Variants in NAV1 observed in about 807,000 individuals in gnomAD.
The protein encoded by NAV1 is neuron navigator 1, also known as pore membrane and/or filament interacting like protein 3.
NAV1 carries 18 observed loss-of-function variants against 175.2 expected under a neutral mutation model. The ratio of observed to expected loss-of-function variants is 0.10; its 90% CI spans 0.07 to 0.15. The LOEUF (loss-of-function observed/expected upper bound fraction) is 0.15. Among genes scored for constraint, NAV1 ranks in the 10% least tolerant of loss-of-function variants. The pLI, the probability that NAV1 is intolerant of heterozygous loss-of-function variation, is 1.00. For missense variants in NAV1, 1,731 were observed against 2,436.6 expected, an observed-to-expected ratio of 0.71 and a Z score of 6.10; for synonymous variants, 897 against 978.7, an observed-to-expected ratio of 0.92 and a Z score of 1.56.
Position 201,817,787 on chromosome 1 carries a change from GA to G in NAV1, c.5538+504del, listed in dbSNP as rs965733509. On this transcript the variant is annotated intron_variant, in intron 29 of 29. Coordinates refer to ENST00000367296, the Ensembl canonical transcript of NAV1. ...TCTGCTTCTCCTCTGACGCTATCCT[GA>G]AGACTACTTCAGCTAAATGAGTTCA... is the stretch of plus-strand genomic sequence containing the variant. Among the ~76,000 whole-genome samples, 125 of 152,292 alleles carry G rather than the reference GA, an allele frequency of 8.2e-4. No homozygotes were observed. In the Middle Eastern group the frequency reaches 0.014, roughly 17 times the overall value.
rs113941008 is a variant in NAV1 at position 201,597,362 on chromosome 1, T to C, written c.-33+8713T>C. Among the ~76,000 whole-genome samples the C allele has an allele frequency of 5.8e-3, 877 of 152,288 alleles. 8 individuals are homozygous for C. Among genetic ancestry groups the C allele is most frequent in the African/African-American group, 0.02 (831 of 41,554 alleles). On this transcript the variant is annotated intron_variant, in intron 2 of 33. Transcript: ENST00000685211. The stretch of plus-strand genomic sequence containing the variant: ...TCTCAGGATTCACACACATTGGCCT[T>C]GGCCAAATACCCCCCTACACTCTCC...
intron 1 of NAV1, among the ~76,000 whole-genome samples, chr1:201,584,094 A>T (rs1666954672): frequency 6.6e-6 from 1 of 152,204 alleles, no homozygotes; most frequent in Non-Finnish European, 1.5e-5. Flanking sequence ...TTATGGAACC[A>T]CTGATATGTG....
At chr1:201,776,005 T>C (rs955335747) in intron 3 of NAV1, among the ~76,000 whole-genome samples, 1 of 152,094 alleles carries the variant, frequency 6.6e-6, no homozygotes, top group Non-Finnish European at 1.5e-5. Flanking sequence ...TGCAGTGAAC[T>C]ATGGTGCATC....
At chr1:201,745,692 T>C (rs1028943897) in intron 3 of NAV1, among the ~76,000 whole-genome samples, 32 of 152,180 alleles carry the variant, frequency 2.1e-4, no homozygotes, top group African/African-American at 5.8e-4. Flanking sequence ...CAGCCACTCC[T>C]CCCTAGACTA....
At chr1:201,591,266 A>G (rs993895627) in intron 2 of NAV1, among the ~76,000 whole-genome samples, 1 of 152,152 alleles carries the variant, frequency 6.6e-6, no homozygotes, top group Non-Finnish European at 1.5e-5. Context: ...TTAATGTGCG[A>G]TGGGGTCACC....
intron 2 of NAV1, among the ~76,000 whole-genome samples, chr1:201,642,786 C>G (rs146036286): frequency 7.0e-6 from 1 of 142,638 alleles, no homozygotes; most frequent in Non-Finnish European, 1.5e-5. Flanking sequence ...CTTTTCTTTT[C>G]TTTCTCGGAG....
chr1:201,556,310 C>T (rs932582608), intron 1 of NAV1, among the ~76,000 whole-genome samples: 6 of 151,586 alleles, frequency 4.0e-5, no homozygotes, highest in South Asian at 2.1e-4. Context: ...CCCAGCTACT[C>T]GGGAGGCTGA....
At chr1:201,768,032 G>A (rs1291868402) in intron 3 of NAV1, among the ~76,000 whole-genome samples, 3 of 152,074 alleles carry the variant, frequency 2.0e-5, no homozygotes. Context: ...TCCCTATTAA[G>A]AGTTTAAGTC....
chr1:201,714,747 T>C (rs541286839), intron 2 of NAV1, among the ~76,000 whole-genome samples: 12 of 152,170 alleles, frequency 7.9e-5, no homozygotes, highest in Non-Finnish European at 1.8e-4. Context: ...ACCAGCCTCA[T>C]GCCAAAGACA....
At chr1:201,613,855 C>CAAT (rs967804882) in intron 2 of NAV1, among the ~76,000 whole-genome samples, 11 of 151,824 alleles carry the variant, frequency 7.2e-5, no homozygotes, top group South Asian at 4.2e-4. Context: ...GCGCAAGGCT[C>CAAT]AATAATAATA....
At position 201,810,471 on chromosome 1, in the gene NAV1, G is replaced by C; in HGVS notation, c.4562-52G>C. On this transcript the variant is annotated intron_variant, in intron 23 of 29. Coordinates refer to ENST00000367296, the Ensembl canonical transcript of NAV1. The surrounding 1 kb of genome is among the most constrained non-coding windows in gnomAD (Gnocchi z 6.0). ...AAAGAAAAGCCCTTTAGGATCCCTTGCTATCCTCAAGACCCTGGTCAATAC... is the reference window on the plus strand; with the variant it reads ...AAAGAAAAGCCCTTTAGGATCCCTTCCTATCCTCAAGACCCTGGTCAATAC... 2.0e-6 allele frequency: 3 copies of C among 1,517,210 alleles called. No homozygotes were observed. The highest frequency in any genetic ancestry group is 2.7e-6 in the Non-Finnish European group (3 of 1,116,262). The allele number at this position is 1,517,210 out of a possible 1,614,324, so 94.0% of individuals were successfully genotyped here.
Position 201,599,804 on chromosome 1 carries a change from T to C in NAV1, c.-33+11155T>C, listed in dbSNP as rs141226773. 2.2e-3 allele frequency among the ~76,000 whole-genome samples: 329 copies of C among 152,132 alleles called. 2 individuals are homozygous for C. Among genetic ancestry groups the C allele is most frequent in the African/African-American group, 6.8e-3 (281 of 41,496 alleles). On this transcript the variant is annotated intron_variant, in intron 2 of 33. Coordinates refer to the NAV1 transcript ENST00000685211. ...CGTCTGTGTCATAAACAAGGAGAGA[T>C]ATTTAGTGGTTTTTAAGCACCATAG...
chr1:201,718,761 C>T lies in NAV1; in HGVS notation c.1226+6C>T, dbSNP rs769164495. 1.2e-5 allele frequency: 19 copies of T among 1,591,250 alleles called. No individual in the cohort carries two copies. The highest frequency in any genetic ancestry group is 2.2e-5 in the South Asian group (2 of 89,554). ...GATGATGACATCACTACCGGGTAAG[C>T]GCAGGGGCTTCTTGGATGGCGGGGG... On this transcript the variant is annotated splice_donor_region_variant and intron_variant, in intron 3 of 29. Coordinates refer to ENST00000367296, the Ensembl canonical transcript of NAV1. The surrounding 1 kb of genome is among the most constrained non-coding windows in gnomAD (Gnocchi z 4.8).
intron 1 of NAV1, among the ~76,000 whole-genome samples, chr1:201,549,077 CTCTTTCTTTCTTTCTTTCTTTCTT>C (rs200725995): frequency 1.1e-3 from 139 of 130,106 alleles, no homozygotes; most frequent in Middle Eastern, 3.7e-3. Context: ...TTCTAGTTTT[CTCTTTCTTTCTTTCTTTCTTTCTT>C]TCTTTCTTTC....
intron 1 of NAV1, among the ~76,000 whole-genome samples, chr1:201,665,288 G>A (rs1310589114): frequency 1.3e-5 from 2 of 151,586 alleles, no homozygotes; most frequent in African/African-American, 4.9e-5. Context: ...CTCTGCTTCT[G>A]GCCTCTTTTC....
At chr1:201,745,937 A>G (rs577901562) in intron 3 of NAV1, among the ~76,000 whole-genome samples, 6 of 152,056 alleles carry the variant, frequency 3.9e-5, no homozygotes, top group Non-Finnish European at 8.8e-5. Context: ...GCCTCAAGCA[A>G]TCCTCCCACC....
At chr1:201,613,644 C>A (rs1406960369) in intron 2 of NAV1, among the ~76,000 whole-genome samples, 1 of 152,136 alleles carries the variant, frequency 6.6e-6, no homozygotes, top group African/African-American at 2.4e-5. Context: ...AGGCAGATCA[C>A]CTGAGGTCAG....
At chr1:201,645,641 G>C (rs373830820), upstream of NAV1, among the ~76,000 whole-genome samples, 4 of 152,088 alleles carry the variant, frequency 2.6e-5, no homozygotes, top group South Asian at 8.3e-4. Flanking sequence ...TAAACCATGG[G>C]AGAGGGCACC....
Position 201,718,323 on chromosome 1 carries a change from A to G in NAV1, c.861-67A>G, listed in dbSNP as rs11576721. 0.53 allele frequency: 757,097 copies of G among 1,426,578 alleles called. 202,377 individuals carry two copies. Among genetic ancestry groups the G allele is most frequent in the Admixed American group, 0.7 (27,664 of 39,456 alleles). The allele number at this position is 1,426,578 out of a possible 1,614,324, so 88.4% of individuals were successfully genotyped here. The stretch of plus-strand genomic sequence containing the variant: ...TGGAGGGGAGGCATTGCTGGGGTGC[A>G]TGTGAGGGGACAGGGCACACGGCGG... On this transcript the variant is annotated intron_variant, in intron 2 of 29. Coordinates refer to ENST00000367296, the Ensembl canonical transcript of NAV1. This position sits in a 1 kb window ranked among gnomAD's most constrained non-coding sequence, Gnocchi z 4.8.
Sources: allele counts gnomAD v4.1 joint callset (sites outside exome capture counted in the v4.1 genomes callset), GRCh38; gene constraint gnomAD v4.1.1; non-coding constraint Gnocchi (gnomAD v3.1); transcripts MANE v1.5; gene names NCBI Gene and HGNC (gene_info 2026-07-23, HGNC 2026-07-21).